Variants in GPC5 observed in about 807,000 individuals in gnomAD.
The protein encoded by GPC5 is glypican 5.
A neutral mutation model predicts 53.9 loss-of-function variants in GPC5; 47 were observed. The observed-to-expected ratio is 0.87, with a 90% CI of 0.69 to 1.11. The LOEUF is 1.11. Among genes scored for constraint, GPC5 ranks in the 50% most tolerant of loss-of-function variants. The probability of loss-of-function intolerance (pLI) is 0.00; values close to 1 mark genes in which losing one functional copy is unlikely to be tolerated. For missense variants in GPC5, 748 were observed against 713.1 expected (o/e 1.05, Z -0.56); for synonymous variants, 286 against 263.3 (o/e 1.09, Z -0.84).
At chr13:91,685,657 G>A (rs1289584223) in intron 2 of GPC5, among the ~76,000 whole-genome samples, 3 of 152,064 alleles carry the variant, frequency 2.0e-5, no homozygotes, top group African/African-American at 7.2e-5. Flanking sequence ...ACAGAAACTT[G>A]TATGGCTTAT....
chr13:92,304,018 A>G (rs2043093337), intron 7 of GPC5, among the ~76,000 whole-genome samples: 1 of 152,110 alleles, frequency 6.6e-6, no homozygotes, highest in South Asian at 2.1e-4. Flanking sequence ...TTCTACATAG[A>G]TTCCATTCTA....
At chr13:92,649,891 C>T (rs574693906) in intron 7 of GPC5, among the ~76,000 whole-genome samples, 68 of 152,102 alleles carry the variant, frequency 4.5e-4, no homozygotes, top group African/African-American at 1.5e-3. Context: ...GGCAATACTT[C>T]GAATAATTTA....
At chr13:91,538,837 C>A (rs184586613) in intron 2 of GPC5, among the ~76,000 whole-genome samples, 1 of 148,428 alleles carries the variant, frequency 6.7e-6, no homozygotes, top group African/African-American at 2.5e-5. Flanking sequence ...CCCGCCCCCC[C>A]CTCAGCCTCC....
At chr13:92,621,623 C>T (rs11618886) in intron 7 of GPC5, among the ~76,000 whole-genome samples, 61,954 of 151,742 alleles carry the variant, frequency 0.41, 13,215 homozygotes, top group Non-Finnish European at 0.47. Context: ...AGCTCAAGAC[C>T]AGCCTGGCCA....
At chr13:92,050,848 T>C (rs1018804452) in intron 6 of GPC5, among the ~76,000 whole-genome samples, 1 of 152,210 alleles carries the variant, frequency 6.6e-6, no homozygotes, top group East Asian at 1.9e-4. Flanking sequence ...CAAGGTGAAA[T>C]GGCTTGAAGA....
intron 5 of GPC5, among the ~76,000 whole-genome samples, chr13:91,761,879 A>T (rs2037420423): frequency 2.6e-5 from 4 of 152,066 alleles, no homozygotes; most frequent in South Asian, 2.1e-4. Context: ...CCCTCCCTGG[A>T]GGTTGGTGGG....
intron 2 of GPC5, among the ~76,000 whole-genome samples, chr13:91,589,446 C>T (rs543801045): frequency 8.5e-5 from 13 of 152,210 alleles, no homozygotes; most frequent in Middle Eastern, 3.4e-3. Flanking sequence ...CAAAGTGAGC[C>T]TGTCCAAGAC....
Position 91,670,502 on chromosome 13 carries a change from T to C in GPC5, c.326-22685T>C, listed in dbSNP as rs546168972. 1.1e-4 allele frequency among the ~76,000 whole-genome samples: 17 copies of C among 152,302 alleles called. No homozygotes were observed. The South Asian group carries it at 2.1e-3, about 19-fold the overall frequency. On this transcript the variant is annotated intron_variant, in intron 2 of 7. Coordinates refer to ENST00000377067, the MANE Select transcript of GPC5 (RefSeq NM_004466.6). Reference sequence around the variant, plus strand: ...ATAAAAATCAGAAAGGGAGTTCATTTTGGGAGATTAAAGCAAAACAAAATC... The same window carrying C: ...ATAAAAATCAGAAAGGGAGTTCATTCTGGGAGATTAAAGCAAAACAAAATC...
chr13:91,877,034 T>A (rs2039210561), intron 5 of GPC5, among the ~76,000 whole-genome samples: 1 of 152,164 alleles, frequency 6.6e-6, no homozygotes, highest in Non-Finnish European at 1.5e-5. Flanking sequence ...AGCTTCCAGA[T>A]GTTGAGCCTG....
At chr13:91,637,584 G>A (rs2034315693) in intron 2 of GPC5, among the ~76,000 whole-genome samples, 1 of 152,128 alleles carries the variant, frequency 6.6e-6, no homozygotes, top group Non-Finnish European at 1.5e-5. Context: ...AGCTATTACA[G>A]GACTGAAAAT....
At chr13:92,698,893 G>T (rs1288060660) in intron 7 of GPC5, among the ~76,000 whole-genome samples, 1 of 152,118 alleles carries the variant, frequency 6.6e-6, no homozygotes, top group Non-Finnish European at 1.5e-5. Flanking sequence ...TTGTGGTTTT[G>T]ATTTTCTTTT....
intron 7 of GPC5, among the ~76,000 whole-genome samples, chr13:92,469,617 T>C (rs1878832407): frequency 6.6e-6 from 1 of 152,090 alleles, no homozygotes; most frequent in African/African-American, 2.4e-5. Flanking sequence ...TTTAAAGCCT[T>C]AAATCTTGTC....
chr13:92,603,931 C>T (rs991372526), intron 7 of GPC5, among the ~76,000 whole-genome samples: 1 of 152,158 alleles, frequency 6.6e-6, no homozygotes, highest in African/African-American at 2.4e-5. Context: ...GTAAGCATCA[C>T]TTTCAACTCC....
At position 91,704,103 on chromosome 13, in the gene GPC5, G is replaced by A. The variant is rs1011994130; in HGVS notation, c.1020+10222G>A. ...AGAGTATTGAAGTCCTCTACTCTTT[G>A]CAATACTATTGTATTGCAGTCCATT... On this transcript the variant is annotated intron_variant, in intron 3 of 7. Transcript: ENST00000377067. 3.3e-5 allele frequency among the ~76,000 whole-genome samples: 5 copies of A among 151,874 alleles called. No individual in the cohort carries two copies. In the South Asian group the frequency reaches 8.3e-4, roughly 25 times the overall value.
At chr13:92,177,764 TC>T (rs1419993562) in intron 7 of GPC5, among the ~76,000 whole-genome samples, 1 of 152,206 alleles carries the variant, frequency 6.6e-6, no homozygotes, top group Non-Finnish European at 1.5e-5. Context: ...TTTTAAACAT[TC>T]CTACCTTGAG....
intron 7 of GPC5, among the ~76,000 whole-genome samples, chr13:92,449,948 A>T (rs1877992110): frequency 6.6e-6 from 1 of 152,038 alleles, no homozygotes; most frequent in Non-Finnish European, 1.5e-5. Flanking sequence ...TCAACCCTTT[A>T]AAAAAAATCT....
At chr13:91,733,400 A>G (rs1037189860) in intron 4 of GPC5, among the ~76,000 whole-genome samples, 1 of 152,094 alleles carries the variant, frequency 6.6e-6, no homozygotes, top group African/African-American at 2.4e-5. Context: ...CCCAAAGTGC[A>G]GGGATTACAG....
chr13:92,182,656 G>C (rs536372671), intron 7 of GPC5, among the ~76,000 whole-genome samples: 1 of 152,122 alleles, frequency 6.6e-6, no homozygotes, highest in African/African-American at 2.4e-5. Context: ...CATGAGGTCA[G>C]GAGATCGAGA....
intron 7 of GPC5, among the ~76,000 whole-genome samples, chr13:92,407,588 C>T (rs1875849681): frequency 6.6e-6 from 1 of 152,074 alleles, no homozygotes; most frequent in Admixed American, 6.5e-5. Context: ...AACGCTTTTT[C>T]TCTATTATTC....
Sources: allele counts gnomAD v4.1 joint callset (sites outside exome capture counted in the v4.1 genomes callset), GRCh38; gene constraint gnomAD v4.1.1; transcripts MANE v1.5; gene names NCBI Gene and HGNC (gene_info 2026-07-23, HGNC 2026-07-21).